Variants in CSMD1 observed in about 807,000 individuals in gnomAD.
The protein encoded by CSMD1 is CUB and sushi domain-containing protein 1.
In CSMD1, 213 loss-of-function variants were observed where a neutral mutation model predicts 417.5. The observed-to-expected ratio is 0.51, with a 90% CI of 0.46 to 0.57. The LOEUF (loss-of-function observed/expected upper bound fraction) is 0.57, where lower values mean the gene tolerates loss of function less well. Among genes scored for constraint, CSMD1 ranks in the 20% least tolerant of loss-of-function variants. CSMD1 has a pLI of 0.00. For missense variants in CSMD1, 6,923 were observed against 4,529.7 expected (o/e 1.53, Z -15.17); for synonymous variants, 2,862 against 1,736.8 (o/e 1.65, Z -16.11).
intron 7 of CSMD1, among the ~76,000 whole-genome samples, chr8:3,632,499 A>T (rs1796835328): frequency 6.6e-6 from 1 of 152,212 alleles, no homozygotes; most frequent in Non-Finnish European, 1.5e-5. Flanking sequence ...ATAAAACCTT[A>T]GATTGTGATG....
intron 3 of CSMD1, among the ~76,000 whole-genome samples, chr8:4,201,897 G>GC (rs1311959280): frequency 2.1e-5 from 3 of 143,888 alleles, no homozygotes; most frequent in East Asian, 4.3e-4. Context: ...TGGGGGGGGG[G>GC]GGCGCTGCAT....
chr8:4,642,099 G>C (rs1803230012), intron 1 of CSMD1, among the ~76,000 whole-genome samples: 1 of 152,190 alleles, frequency 6.6e-6, no homozygotes, highest in African/African-American at 2.4e-5. Flanking sequence ...CAGCCTGTAG[G>C]TGCTACTCTC....
At chr8:4,529,450 C>G (rs1689329545) in intron 2 of CSMD1, among the ~76,000 whole-genome samples, 1 of 152,058 alleles carries the variant, frequency 6.6e-6, no homozygotes, top group Non-Finnish European at 1.5e-5. Flanking sequence ...TATGTTATTT[C>G]TTATAAATAT....
chr8:3,824,967 T>G (rs1801969975), intron 5 of CSMD1, among the ~76,000 whole-genome samples: 1 of 152,308 alleles, frequency 6.6e-6, no homozygotes, highest in South Asian at 2.1e-4. Context: ...TAACTGTTGT[T>G]TAATAATAAA....
At chr8:4,144,663 A>G (rs1174130047) in intron 3 of CSMD1, among the ~76,000 whole-genome samples, 1 of 150,928 alleles carries the variant, frequency 6.6e-6, no homozygotes, top group Non-Finnish European at 1.5e-5. Flanking sequence ...AATCAGCAGG[A>G]CCTCTATGTC....
chr8:4,717,056 A>G (rs532444190), intron 1 of CSMD1, among the ~76,000 whole-genome samples: 1 of 152,198 alleles, frequency 6.6e-6, no homozygotes, highest in South Asian at 2.1e-4. Flanking sequence ...ACAAAGAAAA[A>G]TAGGAAAAAT....
At chr8:3,232,819 TTTTA>T (rs1455196258) in intron 26 of CSMD1, among the ~76,000 whole-genome samples, 5 of 152,280 alleles carry the variant, frequency 3.3e-5, no homozygotes, top group East Asian at 1.9e-4. Context: ...TTTCTCGTGC[TTTTA>T]TTTTAGTAGA....
At chr8:3,065,841 A>G (rs1812904202) in intron 49 of CSMD1, among the ~76,000 whole-genome samples, 1 of 152,074 alleles carries the variant, frequency 6.6e-6, no homozygotes, top group South Asian at 2.1e-4. Flanking sequence ...CCCTAGTGAT[A>G]AAAGGCAAGT....
intron 3 of CSMD1, among the ~76,000 whole-genome samples, chr8:4,117,667 G>C (rs185778585): frequency 1.7e-3 from 257 of 152,264 alleles, no homozygotes; most frequent in Non-Finnish European, 2.6e-3. Flanking sequence ...GTGCCAAATA[G>C]ACAGACTGTA....
intron 12 of CSMD1, among the ~76,000 whole-genome samples, chr8:3,447,947 C>G (rs1003332500): frequency 2.6e-5 from 4 of 152,078 alleles, no homozygotes; most frequent in African/African-American, 9.7e-5. Context: ...TACAGACACC[C>G]CACATGGGAC....
intron 1 of CSMD1, among the ~76,000 whole-genome samples, chr8:4,974,669 G>A (rs963145823): frequency 2.0e-5 from 3 of 152,232 alleles, no homozygotes; most frequent in Non-Finnish European, 2.9e-5. Flanking sequence ...ACAAATAATG[G>A]TTAGACTCAG....
chr8:3,249,509 C>T (rs544837097), intron 26 of CSMD1, among the ~76,000 whole-genome samples: 1 of 152,216 alleles, frequency 6.6e-6, no homozygotes, highest in South Asian at 2.1e-4. Flanking sequence ...CAGACATGAG[C>T]CATGGCACCC....
At chr8:3,298,413 T>G (rs1353549032) in intron 25 of CSMD1, among the ~76,000 whole-genome samples, 2 of 152,052 alleles carry the variant, frequency 1.3e-5, no homozygotes, top group African/African-American at 2.4e-5. Context: ...GTGTGAAGAT[T>G]GAGGAAATGA....
chr8:3,964,391 G>C (rs919794018), intron 5 of CSMD1, among the ~76,000 whole-genome samples: 1 of 152,082 alleles, frequency 6.6e-6, no homozygotes, highest in Non-Finnish European at 1.5e-5. Context: ...CAATTCCAAC[G>C]TATAATTTAG....
At chr8:3,248,547 T>TGG (rs1563184009) in intron 26 of CSMD1, among the ~76,000 whole-genome samples, 1 of 139,442 alleles carries the variant, frequency 7.2e-6, no homozygotes, top group Non-Finnish European at 1.6e-5. Flanking sequence ...TTTTTTTTTT[T>TGG]GAGACGTAGT....
intron 2 of CSMD1, among the ~76,000 whole-genome samples, chr8:4,582,735 G>C (rs527330331): frequency 6.6e-6 from 1 of 152,222 alleles, no homozygotes; most frequent in Non-Finnish European, 1.5e-5. Context: ...TGGCACTTGA[G>C]GAGCCCTTTG....
intron 1 of CSMD1, among the ~76,000 whole-genome samples, chr8:4,761,660 T>A (rs1812077190): frequency 2.0e-5 from 3 of 152,132 alleles, no homozygotes. Flanking sequence ...GCATATAGAC[T>A]ACCTTTATTA....
intron 2 of CSMD1, among the ~76,000 whole-genome samples, chr8:4,466,934 AATTTCCTGTGAAC>A (rs1411821430): frequency 2.6e-5 from 4 of 152,010 alleles, no homozygotes; most frequent in African/African-American, 9.7e-5. Context: ...TTGAAATTAG[AATTTCCTGTGAAC>A]ATTTCTTCCT....
chr8:4,446,859 GAT>G (rs1288620854), intron 2 of CSMD1, among the ~76,000 whole-genome samples: 6 of 151,084 alleles, frequency 4.0e-5, no homozygotes, highest in South Asian at 2.1e-4. Flanking sequence ...CTGACCTTGT[GAT>G]CCACCCGCCT....
Sources: gnomAD v4.1 joint callset for allele counts (sites outside exome capture counted in the v4.1 genomes callset) on GRCh38, gnomAD v4.1.1 for gene constraint, MANE v1.5 for transcripts, NCBI Gene and HGNC (gene_info 2026-07-23, HGNC 2026-07-21) for gene names.